FAM111B: variants seen among roughly 807,000 people sequenced by gnomAD.
The protein encoded by FAM111B is FAM111 trypsin like peptidase B.
Under a neutral mutation model 2.8 loss-of-function variants are expected in FAM111B, and 1 was observed. That is an observed-to-expected ratio of 0.36 (90% CI 0.13 to 1.70). FAM111B has a LOEUF of 1.70. Ranked by LOEUF, FAM111B falls within the 40% of genes most tolerant of loss-of-function variation. The probability of loss-of-function intolerance (pLI) is 0.35; values close to 1 mark genes in which losing one functional copy is unlikely to be tolerated. For synonymous variants in FAM111B, 297 were observed against 295.6 expected (o/e 1.00, Z -0.05); for missense variants, 882 against 878.9 (o/e 1.00, Z -0.04).
intron 3 of FAM111B, among the ~76,000 whole-genome samples, chr11:59,110,212 C>G (rs1388034031): frequency 6.6e-6 from 1 of 151,914 alleles, no homozygotes; most frequent in Non-Finnish European, 1.5e-5. Context: ...CTATTTTGCT[C>G]AAAATATGCA....
rs951867403 is a variant in FAM111B, at chr11:59,127,327, C to T, written c.*1025C>T. On this transcript the variant is annotated 3_prime_UTR_variant, in exon 4 of 4. Coordinates refer to ENST00000343597, the MANE Select transcript of FAM111B (RefSeq NM_198947.4). Reference sequence around the variant, plus strand: ...TGATGAAATAATCTGAACACAAAACCCTGGTGACATGCAGTTTACCTATAT... The same window carrying T: ...TGATGAAATAATCTGAACACAAAACTCTGGTGACATGCAGTTTACCTATAT... 6 of 152,150 alleles carry T rather than the reference C, an allele frequency of 3.9e-5. 1 individual carries two copies. Among genetic ancestry groups the T allele is most frequent in the Admixed American group, 3.9e-4 (6 of 15,284 alleles). 9.4% of individuals were successfully genotyped at this position (152,150 alleles called of 1,614,324 possible). A position where few individuals can be genotyped will look rare whatever the true frequency, so the allele number is the denominator to read the frequency against.
At chr11:59,121,069 G>GAAA (rs368983942) in intron 3 of FAM111B, among the ~76,000 whole-genome samples, 1,888 of 84,832 alleles carry the variant, frequency 0.022, 52 homozygotes, top group African/African-American at 0.063. Flanking sequence ...ACAATTTTTT[G>GAAA]AAAAAAAAAA....
At chr11:59,119,388 T>C (rs1187836161) in intron 3 of FAM111B, among the ~76,000 whole-genome samples, 1 of 152,234 alleles carries the variant, frequency 6.6e-6, no homozygotes, top group Non-Finnish European at 1.5e-5. Context: ...TCATTGTTTT[T>C]CCGTTTCTCA....
chr11:59,117,963 G>C (rs1348298693), intron 3 of FAM111B, among the ~76,000 whole-genome samples: 1 of 152,192 alleles, frequency 6.6e-6, no homozygotes, highest in African/African-American at 2.4e-5. Context: ...TGAGCAAGGG[G>C]CTCAAGAGCA....
chr11:59,120,110 A>T (rs968654831), intron 3 of FAM111B, among the ~76,000 whole-genome samples: 1 of 152,188 alleles, frequency 6.6e-6, no homozygotes, highest in African/African-American at 2.4e-5. Flanking sequence ...TAAATGTAAA[A>T]ATTATTTGTT....
At chr11:59,110,077 A>G (rs2135395008) in intron 3 of FAM111B, 1 of 154,000 alleles carries the variant, frequency 6.5e-6, no homozygotes, top group South Asian at 2.1e-4. Flanking sequence ...AGGTATTATT[A>G]TCATACTTAT....
chr11:59,109,754 T>C, intron 3 of FAM111B, 48 bp downstream of exon 3: 1 of 1,194,120 alleles, frequency 8.4e-7, no homozygotes, highest in Non-Finnish European at 1.2e-6. Flanking sequence ...AGTCTAACTA[T>C]AGTGCCATAT....
rs746060537 is a variant in FAM111B, at chr11:59,125,670, A to T, written c.1573A>T (p.Thr525Ser). 32 of 1,613,828 alleles carry T rather than the reference A, an allele frequency of 2.0e-5. No homozygotes were observed. The highest frequency in any genetic ancestry group is 3.3e-4 in the Middle Eastern group (2 of 6,062). Reference protein sequence around the residue: ...VTFTYTEFCPTPDNWFSIEPW... With the variant: ...VTFTYTEFCPSPDNWFSIEPW... Reference sequence around the variant, plus strand: ...CTTCACTTATACAGAGTTCTGCCCTACTCCTGACAATTGGTTTTCCATTGA... The same window carrying T: ...CTTCACTTATACAGAGTTCTGCCCTTCTCCTGACAATTGGTTTTCCATTGA... Residue 525 changes from threonine to serine, a missense_variant, in exon 4 of 4, where the codon ACT becomes TCT. Physicochemically the swap from Thr to Ser is moderately conservative, Grantham distance 58. Transcript: ENST00000343597.
intron 3 of FAM111B, among the ~76,000 whole-genome samples, chr11:59,111,681 A>G (rs567492387): frequency 2.2e-4 from 33 of 152,256 alleles, no homozygotes; most frequent in Admixed American, 1.9e-3. Flanking sequence ...GTGGCTGTGG[A>G]ATTAGACAGT....
At chr11:59,114,790 AAAAT>A (rs1859814129) in intron 3 of FAM111B, among the ~76,000 whole-genome samples, 1 of 152,070 alleles carries the variant, frequency 6.6e-6, no homozygotes, top group Non-Finnish European at 1.5e-5. Context: ...GGAGAAAGGA[AAAAT>A]AAATTGTGTG....
intron 3 of FAM111B, among the ~76,000 whole-genome samples, chr11:59,119,910 G>A (rs1188131468): frequency 2.0e-5 from 3 of 151,868 alleles, no homozygotes; most frequent in Admixed American, 6.6e-5. Flanking sequence ...ATCCACAGAT[G>A]GTATCATATC....
At chr11:59,112,337 G>C (rs1360025901) in intron 3 of FAM111B, among the ~76,000 whole-genome samples, 3 of 152,150 alleles carry the variant, frequency 2.0e-5, no homozygotes, top group Non-Finnish European at 4.4e-5. Flanking sequence ...GCACTGATAG[G>C]TTTTTTCTTT....
intron 3 of FAM111B, among the ~76,000 whole-genome samples, chr11:59,118,225 G>C (rs1859868834): frequency 1.3e-5 from 2 of 152,154 alleles, no homozygotes; most frequent in South Asian, 4.1e-4. Flanking sequence ...TTTTCCTTTT[G>C]ATTCAGTTCC....
At chr11:59,123,950 G>A (rs1008259111) in intron 3 of FAM111B, among the ~76,000 whole-genome samples, 2 of 151,266 alleles carry the variant, frequency 1.3e-5, no homozygotes, top group African/African-American at 4.9e-5. Context: ...CTACTTTTAA[G>A]AATCAGAAAA....
chr11:59,113,428 C>T (rs1374243110), intron 3 of FAM111B, among the ~76,000 whole-genome samples: 1 of 152,118 alleles, frequency 6.6e-6, no homozygotes, highest in African/African-American at 2.4e-5. Context: ...TCTCCAAGGC[C>T]ACCAGACAAG....
In FAM111B at chr11:59,124,205, T is replaced by C. The variant is rs1235437585; in HGVS notation, c.108T>C (p.Ala36=). 1 of 1,612,864 alleles carries C rather than the reference T, an allele frequency of 6.2e-7. No individual in the cohort carries two copies. The highest frequency in any genetic ancestry group is 1.1e-5 in the South Asian group (1 of 90,986). Residue 36 remains alanine, a synonymous_variant, in exon 4 of 4, where the codon GCT becomes GCC. Transcript: ENST00000343597. ...ATACTGTCATGAAGCAGACACATGC[T>C]GACACACCTGTTGATCATTGTCTAT... ...SKDTVMKQTH[A]DTPVDHCLSG... is the part of the protein sequence containing the mutation.
rs1222394289 is a variant in FAM111B at position 59,124,776 on chromosome 11, A to G, written c.679A>G (p.Lys227Glu). The G allele has an allele frequency of 6.2e-7, 1 of 1,613,922 alleles. No individual in the cohort carries two copies. The highest frequency in any genetic ancestry group is 1.3e-5 in the African/African-American group (1 of 75,042). The change falls in exon 4 of 4, where the codon AAG becomes GAG. Residue 227 changes from lysine (K) to glutamate (E), a missense_variant. Coordinates refer to ENST00000343597, the MANE Select transcript of FAM111B (RefSeq NM_198947.4). The part of the protein sequence containing the change: ...KGETIEGALC[K>E]DGRFRSDIGE... ...TGAGACTATTGAAGGAGCCTTATGC[A>G]AGGATGGCCGTTTTCGGTCTGACAT...
At position 59,124,691 on chromosome 11, in the gene FAM111B, T is replaced by G. The variant is rs1859983814; in HGVS notation, c.594T>G (p.Ile198Met). The G allele has an allele frequency of 1.9e-6, 3 of 1,613,628 alleles. No homozygotes were observed. Among genetic ancestry groups the G allele is most frequent in the Non-Finnish European group, 2.5e-6 (3 of 1,179,766 alleles). ...VVAIGRTRKK[I>M]VKINELHEKG... ...CTATAGGAAGGACAAGAAAGAAGAT[T>G]GTTAAGATCAACGAACTTCATGAAA... Residue 198 changes from isoleucine to methionine, a missense_variant, in exon 4 of 4, where the codon ATT (isoleucine) becomes ATG (methionine). Physicochemically the swap from Ile to Met is conservative, Grantham distance 10. Coordinates refer to ENST00000343597, the MANE Select transcript of FAM111B (RefSeq NM_198947.4).
intron 1 of FAM111B, among the ~76,000 whole-genome samples, chr11:59,107,571 A>G (rs2282483): frequency 0.16 from 24,654 of 152,092 alleles, 2,174 homozygotes; most frequent in Non-Finnish European, 0.2. Context: ...GTTCGCGCCC[A>G]TAGAAGGAGA....
Sources: allele counts gnomAD v4.1 joint callset (sites outside exome capture counted in the v4.1 genomes callset), GRCh38; gene constraint gnomAD v4.1.1; transcripts MANE v1.5; gene names NCBI Gene and HGNC (gene_info 2026-07-23, HGNC 2026-07-21).